The following DYNAP variants were observed in gnomAD, a reference collection of about 807,000 sequenced individuals.
DYNAP encodes dynactin associated protein, also known as dynactin-associated protein.
In DYNAP, 7 loss-of-function variants were observed where a neutral mutation model predicts 8.5. The ratio of observed to expected loss-of-function variants is 0.82; its 90% CI spans 0.47 to 1.54. The LOEUF is 1.54. Ranked by LOEUF, DYNAP falls within the 40% of genes most tolerant of loss-of-function variation. DYNAP has a pLI of 0.01. For missense variants in DYNAP, 256 were observed against 224.3 expected, an observed-to-expected ratio of 1.14 and a Z score of -0.90; for synonymous variants, 77 against 77.9, an observed-to-expected ratio of 0.99 and a Z score of 0.06.
intron 2 of DYNAP, 85 bp downstream of exon 2, chr18:54,595,188 T>A: frequency 7.5e-7 from 1 of 1,333,534 alleles, no homozygotes; most frequent in Non-Finnish European, 9.9e-7. Flanking sequence ...CCAAGAAATG[T>A]ACTTAATTAC....
At chr18:54,593,605 A>G (rs1911169369) in intron 1 of DYNAP, among the ~76,000 whole-genome samples, 1 of 152,148 alleles carries the variant, frequency 6.6e-6, no homozygotes. Context: ...AGAGCCTTAG[A>G]TCATTCTACA....
chr18:54,592,353 C>A (rs1911112643), intron 1 of DYNAP, among the ~76,000 whole-genome samples: 1 of 152,018 alleles, frequency 6.6e-6, no homozygotes, highest in South Asian at 2.1e-4. Context: ...AAGATGTTTA[C>A]AAATATTAGC....
At chr18:54,576,329 C>A in the DYNAP span, among the ~76,000 whole-genome samples, 1 of 152,050 alleles carries the variant, frequency 6.6e-6, no homozygotes, top group Admixed American at 6.6e-5. Flanking sequence ...AACAGCTTAC[C>A]AAAGCAATTG....
At position 54,598,634 on chromosome 18, in the gene DYNAP, A is replaced by C. The variant is rs1911415683; in HGVS notation, c.*489A>C. 1 of 153,294 alleles carries C rather than the reference A, an allele frequency of 6.5e-6. No homozygotes were observed. The highest frequency in any genetic ancestry group is 1.5e-5 in the Non-Finnish European group (1 of 68,834). 9.5% of individuals were successfully genotyped at this position (153,294 alleles called of 1,614,324 possible). On this transcript the variant is annotated 3_prime_UTR_variant, in exon 3 of 3. Transcript: ENST00000648945. Reference sequence around the variant, plus strand: ...CCCTGTATATTGTGACTTACTTTCTAATCTGACTCTGGCATAACAAGGGAA... The same window carrying C: ...CCCTGTATATTGTGACTTACTTTCTCATCTGACTCTGGCATAACAAGGGAA...
chr18:54,587,854 T>G (rs913605042), upstream of DYNAP: 19 of 400,710 alleles, frequency 4.7e-5, no homozygotes, highest in Non-Finnish European at 2.2e-5. Flanking sequence ...AAAAATGGAA[T>G]ACCAACTTCT....
chr18:54,584,791 G>A (rs1910820721), upstream of DYNAP, among the ~76,000 whole-genome samples: 1 of 152,126 alleles, frequency 6.6e-6, no homozygotes, highest in Non-Finnish European at 1.5e-5. Context: ...ATTTAGCCAT[G>A]GGAATGTGGC....
upstream of DYNAP, among the ~76,000 whole-genome samples, chr18:54,586,307 C>T (rs896990483): frequency 3.3e-5 from 5 of 152,098 alleles, no homozygotes; most frequent in African/African-American, 7.2e-5. Context: ...AGCTGATTGC[C>T]GATCCTCATA....
chr18:54,583,068 A>G (rs1018638069), upstream of DYNAP, among the ~76,000 whole-genome samples: 24 of 152,164 alleles, frequency 1.6e-4, no homozygotes, highest in African/African-American at 5.3e-4. Flanking sequence ...AATTTTTTGG[A>G]ATCACTCTTT....
At chr18:54,577,550 C>T in the DYNAP span, among the ~76,000 whole-genome samples, 2 of 145,586 alleles carry the variant, frequency 1.4e-5, no homozygotes, top group Non-Finnish European at 3.0e-5. Context: ...CACCACACTC[C>T]AGCCTGGACA....
the DYNAP span, among the ~76,000 whole-genome samples, chr18:54,580,030 G>A: frequency 5.8e-4 from 88 of 152,262 alleles, no homozygotes; most frequent in African/African-American, 2.0e-3. Flanking sequence ...GGCAAGTTAC[G>A]TATTTCTTTC....
chr18:54,590,012 A>G (rs1011384164), upstream of DYNAP, among the ~76,000 whole-genome samples: 1 of 152,168 alleles, frequency 6.6e-6, no homozygotes, highest in Non-Finnish European at 1.5e-5. Context: ...TAAAATACAT[A>G]TAACACAAAG....
chr18:54,595,492 A>G (rs977577249), intron 2 of DYNAP, among the ~76,000 whole-genome samples: 8 of 152,088 alleles, frequency 5.3e-5, no homozygotes, highest in African/African-American at 1.9e-4. Context: ...TTAAAGTTTC[A>G]TGGGTCCTAT....
At chr18:54,584,650 A>G (rs935147957), upstream of DYNAP, among the ~76,000 whole-genome samples, 3 of 152,202 alleles carry the variant, frequency 2.0e-5, no homozygotes, top group Admixed American at 2.0e-4. Flanking sequence ...ACACCAATTA[A>G]GGAGAGTTGT....
chr18:54,591,286 G>A lies in DYNAP; in HGVS notation c.4G>A (p.Asp2Asn), dbSNP rs911766804. ...TTGTGATACTGGCAGCTCAAGAATG[G>A]ACAGAAAGCATGGAAAATACATATT... MDRKHGKYILNV... is the reference protein window; with the variant it reads MNRKHGKYILNV... Residue 2 changes from aspartate to asparagine, a missense_variant, in exon 1 of 3, where the codon GAC becomes AAC. Asp to Asn is a conservative substitution (Grantham distance 23, BLOSUM62 1). Coordinates refer to ENST00000648945, the MANE Select transcript of DYNAP (RefSeq NM_173629.3). 3.1e-6 allele frequency: 5 copies of A among 1,612,854 alleles called. No homozygotes were observed. Among genetic ancestry groups the A allele is most frequent in the Non-Finnish European group, 4.2e-6 (5 of 1,179,296 alleles).
chr18:54,597,984 G>A lies in DYNAP; in HGVS notation c.394G>A (p.Val132Met), dbSNP rs1390298291. Residue 132 changes from valine (V) to methionine (M), a missense_variant, in exon 3 of 3, where the codon GTG (valine) becomes ATG (methionine). Transcript: ENST00000648945. ...GCTATCCACAAATGATGGAGAGTGT[G>A]TGACTGTCAAACCTGGAACACCCTC... is the stretch of plus-strand genomic sequence containing the variant. ...IQLSTNDGEC[V>M]TVKPGTPSPA... is the part of the protein sequence containing the mutation. The A allele has an allele frequency of 1.2e-6, 2 of 1,613,534 alleles. No homozygotes were observed. The highest frequency in any genetic ancestry group is 1.1e-5 in the South Asian group (1 of 91,068).
the DYNAP span, among the ~76,000 whole-genome samples, chr18:54,581,854 C>T: frequency 2.0e-5 from 3 of 152,112 alleles, no homozygotes; most frequent in Non-Finnish European, 4.4e-5. Flanking sequence ...TTTAACAGTT[C>T]TTCCACTTAG....
upstream of DYNAP, among the ~76,000 whole-genome samples, chr18:54,584,440 T>A (rs1467176553): frequency 6.6e-6 from 1 of 151,874 alleles, no homozygotes; most frequent in Admixed American, 6.6e-5. Context: ...TTGAATGAAA[T>A]ACTATAAAAC....
chr18:54,593,980 T>G (rs1911185854), intron 1 of DYNAP, among the ~76,000 whole-genome samples: 1 of 151,986 alleles, frequency 6.6e-6, no homozygotes, highest in South Asian at 2.1e-4. Context: ...ACAAGATCCA[T>G]AAATTCCTGA....
chr18:54,591,040 C>A, upstream of DYNAP: 1 of 573,954 alleles, frequency 1.7e-6, no homozygotes, highest in Non-Finnish European at 2.8e-6. Flanking sequence ...GGAGTAGTCA[C>A]AAAAGCTTTC....
Sources: gnomAD v4.1 joint callset for allele counts (sites outside exome capture counted in the v4.1 genomes callset) on GRCh38, gnomAD v4.1.1 for gene constraint, MANE v1.5 for transcripts, NCBI Gene and HGNC (gene_info 2026-07-23, HGNC 2026-07-21) for gene names.